Variants in TTLL11 observed in about 807,000 individuals in gnomAD.
The protein encoded by TTLL11 is tubulin polyglutamylase TTLL11.
A neutral mutation model predicts 51.7 loss-of-function variants in TTLL11; 42 were observed. That is an observed-to-expected ratio of 0.81 (90% CI 0.64 to 1.05). The LOEUF (loss-of-function observed/expected upper bound fraction) is 1.05, where lower values mean the gene tolerates loss of function less well. TTLL11 is among the 50% of genes least tolerant of loss of function. The pLI, the probability that TTLL11 is intolerant of heterozygous loss-of-function variation, is 0.00. For synonymous variants in TTLL11, 381 were observed against 383.5 expected, an observed-to-expected ratio of 0.99 and a Z score of 0.08; for missense variants, 799 against 940.4, an observed-to-expected ratio of 0.85 and a Z score of 1.97.
At chr9:121,991,086 T>C (rs555658786) in intron 3 of TTLL11, among the ~76,000 whole-genome samples, 1 of 152,258 alleles carries the variant, frequency 6.6e-6, no homozygotes, top group East Asian at 1.9e-4. Flanking sequence ...CCCTCTGAAA[T>C]CTGACAGCAG....
chr9:122,007,475 CAA>C (rs59238464), intron 3 of TTLL11, among the ~76,000 whole-genome samples: 5,380 of 94,622 alleles, frequency 0.057, 88 homozygotes, highest in African/African-American at 0.086. Flanking sequence ...AATTCCATCT[CAA>C]AAAAAAAAAA....
At chr9:121,954,118 C>T (rs1392830245) in intron 6 of TTLL11, among the ~76,000 whole-genome samples, 4 of 152,186 alleles carry the variant, frequency 2.6e-5, no homozygotes, top group South Asian at 2.1e-4. Flanking sequence ...GTGGCAGGGC[C>T]GGGGCTAGAA....
At chr9:122,082,763 T>A (rs1846031102) in intron 1 of TTLL11, among the ~76,000 whole-genome samples, 1 of 152,204 alleles carries the variant, frequency 6.6e-6, no homozygotes, top group Non-Finnish European at 1.5e-5. Context: ...CTGGGTACAG[T>A]GGCTCACACC....
intron 3 of TTLL11, among the ~76,000 whole-genome samples, chr9:122,008,878 C>G (rs552763730): frequency 5.3e-5 from 8 of 152,204 alleles, no homozygotes; most frequent in Non-Finnish European, 1.2e-4. Flanking sequence ...AGAAGGAAAT[C>G]CTGTCATTTG....
At chr9:121,917,495 G>GAAAAGAAAAGGAAAC (rs1840370957) in intron 6 of TTLL11, among the ~76,000 whole-genome samples, 1 of 142,556 alleles carries the variant, frequency 7.0e-6, no homozygotes, top group African/African-American at 2.6e-5. Context: ...GAAAAGGAAA[G>GAAAAGAAAAGGAAAC]AAAAGAAAAG....
intron 8 of TTLL11, 104 bp downstream of exon 8, chr9:121,860,233 C>A: frequency 2.4e-6 from 2 of 829,176 alleles, no homozygotes; most frequent in Non-Finnish European, 3.8e-6. Flanking sequence ...CTGATGGCAT[C>A]ATCTTCTTCC....
At chr9:121,826,493 A>G (rs867612544) in intron 8 of TTLL11, among the ~76,000 whole-genome samples, 3,064 of 84,160 alleles carry the variant, frequency 0.036, 129 homozygotes, top group Non-Finnish European at 0.047. Flanking sequence ...ATATATATAT[A>G]TGTGTGTGTA....
intron 6 of TTLL11, among the ~76,000 whole-genome samples, chr9:121,906,931 G>A (rs1236845275): frequency 6.6e-6 from 1 of 151,930 alleles, no homozygotes; most frequent in Non-Finnish European, 1.5e-5. Context: ...TTTTTGGCCG[G>A]GCACGGTGGC....
intron 3 of TTLL11, among the ~76,000 whole-genome samples, chr9:122,006,526 A>G (rs938885089): frequency 6.6e-6 from 1 of 152,176 alleles, no homozygotes; most frequent in Non-Finnish European, 1.5e-5. Flanking sequence ...GTTACATATG[A>G]AGAAATATTA....
chr9:121,837,445 A>G (rs78419678), intron 8 of TTLL11, among the ~76,000 whole-genome samples: 2,821 of 152,220 alleles, frequency 0.019, 67 homozygotes, highest in African/African-American at 0.062. Flanking sequence ...GGTGCTTTGA[A>G]AGGGCTTTTT....
chr9:121,966,308 C>T (rs769288752), intron 6 of TTLL11, among the ~76,000 whole-genome samples: 12 of 152,116 alleles, frequency 7.9e-5, no homozygotes, highest in Admixed American at 5.2e-4. Context: ...CCAGGCATTG[C>T]GTGGCATCAT....
intron 6 of TTLL11, among the ~76,000 whole-genome samples, chr9:121,916,675 C>T (rs1455204931): frequency 2.0e-5 from 3 of 152,104 alleles, no homozygotes; most frequent in South Asian, 2.1e-4. Flanking sequence ...TCAGAAATAA[C>T]GGAACGATGG....
At chr9:122,012,630 A>G (rs1251366578) in intron 3 of TTLL11, among the ~76,000 whole-genome samples, 1 of 151,508 alleles carries the variant, frequency 6.6e-6, no homozygotes, top group Non-Finnish European at 1.5e-5. Context: ...GTTATTGCAC[A>G]GGACTGTCTC....
chr9:121,962,741 T>C (rs1185613891), intron 6 of TTLL11, among the ~76,000 whole-genome samples: 1 of 152,272 alleles, frequency 6.6e-6, no homozygotes. Context: ...TTTAAGTCAC[T>C]CTTCTTTGTA....
At chr9:121,958,080 T>C (rs1842078332) in intron 6 of TTLL11, among the ~76,000 whole-genome samples, 2 of 152,226 alleles carry the variant, frequency 1.3e-5, no homozygotes, top group Admixed American at 1.3e-4. Flanking sequence ...AGTGCCTTAT[T>C]TGGTCCTCAC....
At chr9:122,066,425 A>T in intron 1 of TTLL11, among the ~76,000 whole-genome samples, 1 of 152,188 alleles carries the variant, frequency 6.6e-6, no homozygotes, top group African/African-American at 2.4e-5. Context: ...GCCAGAGTCC[A>T]GGGTCACACA....
intron 1 of TTLL11, among the ~76,000 whole-genome samples, chr9:122,067,624 T>C (rs1021489829): frequency 6.6e-6 from 1 of 152,126 alleles, no homozygotes; most frequent in African/African-American, 2.4e-5. Context: ...TGCCTCAGTC[T>C]CCCGGGTAGC....
chr9:121,836,279 G>A (rs1445519368), intron 8 of TTLL11, among the ~76,000 whole-genome samples: 3 of 152,122 alleles, frequency 2.0e-5, no homozygotes. Flanking sequence ...GCTGGTAGTG[G>A]GGATAAAAAA....
chr9:121,865,630 G>A (rs1377620730), intron 7 of TTLL11, among the ~76,000 whole-genome samples: 2 of 152,018 alleles, frequency 1.3e-5, no homozygotes, highest in Non-Finnish European at 2.9e-5. Context: ...CTCCCTCCAA[G>A]AAAGCTGTCA....
Sources: allele counts gnomAD v4.1 joint callset (sites outside exome capture counted in the v4.1 genomes callset), GRCh38; gene constraint gnomAD v4.1.1; transcripts MANE v1.5; gene names NCBI Gene and HGNC (gene_info 2026-07-23, HGNC 2026-07-21).